LIPT1: variants seen among roughly 807,000 people sequenced by gnomAD.
The protein encoded by LIPT1 is lipoyl amidotransferase LIPT1, mitochondrial.
A neutral mutation model predicts 25.1 loss-of-function variants in LIPT1; 22 were observed. The observed-to-expected ratio is 0.88, with a 90% CI of 0.63 to 1.25. The LOEUF is 1.25. Ranked by LOEUF, LIPT1 falls within the 50% of genes most tolerant of loss-of-function variation. The probability of loss-of-function intolerance (pLI) is 0.00; values close to 1 mark genes in which losing one functional copy is unlikely to be tolerated. For missense variants in LIPT1, 399 were observed against 432.8 expected (o/e 0.92, Z 0.69); for synonymous variants, 131 against 150.8 (o/e 0.87, Z 0.96).
In LIPT1 at chr2:99,158,052, G is replaced by C. The variant is rs147148484; in HGVS notation, c.-2+3001G>C. On this transcript the variant is annotated intron_variant, in intron 1 of 1. Coordinates refer to ENST00000651691, the MANE Select transcript of LIPT1 (RefSeq NM_145199.3). Reference sequence around the variant, plus strand: ...TATATGTATTAGCTCATCAGACTCAGCCTGATAATATGAGATGAGTCCTGT... The same window carrying C: ...TATATGTATTAGCTCATCAGACTCACCCTGATAATATGAGATGAGTCCTGT... Among the ~76,000 whole-genome samples, 723 of 152,222 alleles carry C rather than the reference G, an allele frequency of 4.7e-3. 9 individuals carry two copies. Among genetic ancestry groups the C allele is most frequent in the African/African-American group, 0.017 (688 of 41,526 alleles).
At chr2:99,158,799 T>G (rs1293231509) in intron 1 of LIPT1, among the ~76,000 whole-genome samples, 1 of 152,246 alleles carries the variant, frequency 6.6e-6, no homozygotes, top group African/African-American at 2.4e-5. Flanking sequence ...TAGATGGCGC[T>G]CTACTGTACT....
rs1464963938 is a variant in LIPT1, at chr2:99,163,131, A to C, written c.*52A>C. On this transcript the variant is annotated 3_prime_UTR_variant, in exon 2 of 2. Transcript: ENST00000651691. ...TCAATTAGAAAATAAAATGTCTCAT[A>C]CTTGCACATTGTATGTCAAAAAAAA... 7.8e-7 allele frequency: 1 copy of C among 1,287,424 alleles called. No individual in the cohort carries two copies. Among genetic ancestry groups the C allele is most frequent in the Admixed American group, 2.7e-5 (1 of 37,410 alleles). The allele number at this position is 1,287,424 out of a possible 1,614,324, so 79.8% of individuals were successfully genotyped here.
At chr2:99,160,199 G>A (rs1304221104) in intron 1 of LIPT1, among the ~76,000 whole-genome samples, 2 of 152,138 alleles carry the variant, frequency 1.3e-5, no homozygotes, top group Non-Finnish European at 2.9e-5. Context: ...TGAAGCCCAG[G>A]AGTTCAAGAT....
chr2:99,162,363 G>T lies in LIPT1; in HGVS notation c.406G>T (p.Ala136Ser), dbSNP rs368847750. Reference sequence around the variant, plus strand: ...GGAAAATCTGAAATTAATTGTGAGAGCTCTGAATGCTGTCCAACCCCAGCT... The same window carrying T: ...GGAAAATCTGAAATTAATTGTGAGATCTCTGAATGCTGTCCAACCCCAGCT... ...RMENLKLIVR[A>S]LNAVQPQLDV... Residue 136 changes from alanine to serine, a missense_variant, in exon 2 of 2, where the codon GCT becomes TCT. Physicochemically the swap from Ala to Ser is moderately conservative, Grantham distance 99. Coordinates refer to ENST00000651691, the MANE Select transcript of LIPT1 (RefSeq NM_145199.3). The T allele has an allele frequency of 7.4e-6, 12 of 1,613,780 alleles. No individual in the cohort carries two copies. Among genetic ancestry groups the T allele is most frequent in the Non-Finnish European group, 1.0e-5 (12 of 1,179,996 alleles).
chr2:99,157,428 C>G lies in LIPT1; in HGVS notation c.-2+2377C>G, dbSNP rs192816355. Among the ~76,000 whole-genome samples, 121 of 152,276 alleles carry G rather than the reference C, an allele frequency of 7.9e-4. 1 individual carries two copies. Among genetic ancestry groups the G allele is most frequent in the Non-Finnish European group, 1.4e-3 (98 of 68,024 alleles). On this transcript the variant is annotated intron_variant, in intron 1 of 1. Coordinates refer to ENST00000651691, the MANE Select transcript of LIPT1 (RefSeq NM_145199.3). ...GCTCAGATCTATTGCATCTTAAGTCCTCTCCTAACTCCACATTCCTTTCTA... is the reference window on the plus strand; with the variant it reads ...GCTCAGATCTATTGCATCTTAAGTCGTCTCCTAACTCCACATTCCTTTCTA...
intron 1 of LIPT1, among the ~76,000 whole-genome samples, chr2:99,160,003 G>C (rs2093776216): frequency 6.6e-6 from 1 of 152,172 alleles, no homozygotes; most frequent in Non-Finnish European, 1.5e-5. Flanking sequence ...TTTCTAGACA[G>C]AATGTAAACT....
intron 1 of LIPT1, chr2:99,155,281 A>G (rs1216932978): frequency 5.5e-6 from 2 of 366,128 alleles, no homozygotes; most frequent in Non-Finnish European, 1.1e-5. Flanking sequence ...TAAATATCGT[A>G]AAACATGTTG....
chr2:99,160,271 G>A (rs146776359), intron 1 of LIPT1, among the ~76,000 whole-genome samples: 2 of 152,266 alleles, frequency 1.3e-5, no homozygotes, highest in African/African-American at 4.8e-5. Flanking sequence ...AGCCAGGCAT[G>A]GTGGCGCATA....
Position 99,162,535 on chromosome 2 carries a change from T to C in LIPT1, c.578T>C (p.Leu193Pro). The change falls in exon 2 of 2, where the codon CTA (leucine) becomes CCA (proline). Residue 193 changes from leucine to proline, a missense_variant. Transcript: ENST00000651691. ...STDGTFLSSL[L>P]KSPYQGIRSN... Reference sequence around the variant, plus strand: ...GATGGGACGTTCTTGTCTTCTTTGCTAAAGAGCCCTTACCAAGGGATCAGG... The same window carrying C: ...GATGGGACGTTCTTGTCTTCTTTGCCAAAGAGCCCTTACCAAGGGATCAGG... 1 of 1,614,184 alleles carries C rather than the reference T, an allele frequency of 6.2e-7. No homozygotes were observed. The highest frequency in any genetic ancestry group is 1.3e-5 in the African/African-American group (1 of 75,058).
intron 1 of LIPT1, among the ~76,000 whole-genome samples, chr2:99,157,475 C>A (rs996862616): frequency 6.6e-6 from 1 of 152,230 alleles, no homozygotes; most frequent in African/African-American, 2.4e-5. Flanking sequence ...AGCTTTTCCA[C>A]TTCACAACTA....
chr2:99,159,171 G>A (rs1436930800), intron 1 of LIPT1, among the ~76,000 whole-genome samples: 1 of 151,006 alleles, frequency 6.6e-6, no homozygotes, highest in East Asian at 1.9e-4. Context: ...CTCGTGATCC[G>A]CCTGCCTCGG....
intron 1 of LIPT1, among the ~76,000 whole-genome samples, chr2:99,155,750 G>A (rs777458201): frequency 2.1e-4 from 32 of 152,122 alleles, no homozygotes; most frequent in African/African-American, 4.3e-4. Flanking sequence ...AAAAAAAGAG[G>A]GGCACACCTG....
chr2:99,159,315 G>A (rs1316672024), intron 1 of LIPT1, among the ~76,000 whole-genome samples: 2 of 152,118 alleles, frequency 1.3e-5, no homozygotes, highest in African/African-American at 4.8e-5. Context: ...CGCCTGCCTC[G>A]GCCTCCCAGA....
chr2:99,157,914 T>C (rs1299481273), intron 1 of LIPT1, among the ~76,000 whole-genome samples: 1 of 152,184 alleles, frequency 6.6e-6, no homozygotes, highest in East Asian at 1.9e-4. Context: ...CTATAAAATC[T>C]GTCCTAGGAA....
At chr2:99,161,269 A>T (rs2093785370) in intron 1 of LIPT1, among the ~76,000 whole-genome samples, 2 of 24,532 alleles carry the variant, frequency 8.2e-5, no homozygotes, top group African/African-American at 2.4e-4. Context: ...AAAAAAAAAA[A>T]AAAAAAAAAA....
rs2105200802 is a variant in LIPT1, at chr2:99,162,569, C to T, written c.612C>T (p.Ala204=). The T allele has an allele frequency of 6.2e-7, 1 of 1,614,136 alleles. No individual in the cohort carries two copies. The change falls in exon 2 of 2, where the codon GCC becomes GCT. Residue 204 remains alanine (A), a synonymous_variant. Transcript: ENST00000651691. The part of the protein sequence containing the change: ...KSPYQGIRSN[A]TASIPSLVKN... ...CTTACCAAGGGATCAGGAGCAATGC[C>T]ACTGCTAGCATACCTTCCTTAGTGA... is the stretch of plus-strand genomic sequence containing the variant.
chr2:99,161,870 T>A, intron 1 of LIPT1, 87 bp from the exon 2 acceptor site: 1 of 1,240,610 alleles, frequency 8.1e-7, no homozygotes, highest in African/African-American at 1.5e-5. Context: ...AAGTTTGGAT[T>A]AAATAACCGA....
intron 1 of LIPT1, among the ~76,000 whole-genome samples, chr2:99,159,828 T>G (rs72813088): frequency 0.088 from 13,461 of 152,264 alleles, 764 homozygotes; most frequent in Middle Eastern, 0.17. Context: ...AGTCGAAGAC[T>G]AGTAGTGTAA....
chr2:99,155,007 C>T lies in LIPT1; in HGVS notation c.-46C>T, dbSNP rs1471378958. On this transcript the variant is annotated 5_prime_UTR_variant, in exon 1 of 2. Transcript: ENST00000651691. The stretch of plus-strand genomic sequence containing the variant: ...CTCGGGGTCGTATGACGCACTTTTC[C>T]AGCTCGAGCCCTCACGAGGCCGTGG... The T allele has an allele frequency of 4.4e-6, 2 of 456,002 alleles. No homozygotes were observed. Among genetic ancestry groups the T allele is most frequent in the Middle Eastern group, 3.3e-4 (1 of 3,044 alleles). The allele number at this position is 456,002 out of a possible 1,614,324, so 28.2% of individuals were successfully genotyped here. A position where few individuals can be genotyped will look rare whatever the true frequency, so the allele number is the denominator to read the frequency against.
Sources: gnomAD v4.1 joint callset for allele counts (sites outside exome capture counted in the v4.1 genomes callset) on GRCh38, gnomAD v4.1.1 for gene constraint, MANE v1.5 for transcripts, NCBI Gene and HGNC (gene_info 2026-07-23, HGNC 2026-07-21) for gene names.